ANXA4: variants seen among roughly 807,000 people sequenced by gnomAD.
ANXA4 encodes annexin A4, also known as 35-beta calcimedin.
Under a neutral mutation model 49.8 loss-of-function variants are expected in ANXA4, and 39 were observed. The observed-to-expected ratio is 0.78, with a 90% CI of 0.61 to 1.02. ANXA4 has a LOEUF of 1.02. ANXA4 is among the 50% of genes least tolerant of loss of function. The pLI, the probability that ANXA4 is intolerant of heterozygous loss-of-function variation, is 0.00. For missense variants in ANXA4, 360 were observed against 410.1 expected (o/e 0.88, Z 1.05); for synonymous variants, 134 against 152.5 (o/e 0.88, Z 0.89).
At chr2:69,746,724 T>C (rs1282787170) in intron 1 of ANXA4, among the ~76,000 whole-genome samples, 3 of 152,052 alleles carry the variant, frequency 2.0e-5, no homozygotes, top group African/African-American at 4.8e-5. Flanking sequence ...GAGTGAATAT[T>C]ATATTGCAGC....
intron 5 of ANXA4, 38 bp from the exon 6 acceptor site, chr2:69,807,868 C>A: frequency 6.4e-7 from 1 of 1,571,478 alleles, no homozygotes. Context: ...GCTTTGTAAA[C>A]TGGCTCATAT....
chr2:69,792,376 A>G (rs1573265422), intron 3 of ANXA4, among the ~76,000 whole-genome samples: 1 of 152,246 alleles, frequency 6.6e-6, no homozygotes, highest in Non-Finnish European at 1.5e-5. Flanking sequence ...TTAATTTTAA[A>G]TGAAACATTA....
chr2:69,674,406 T>C (rs1473811457), intron 2 of ANXA4: 1 of 152,190 alleles, frequency 6.6e-6, no homozygotes, highest in Non-Finnish European at 1.5e-5. Context: ...TAAAACTTCC[T>C]TGTTCAGAAA....
chr2:69,777,552 CAGG>C (rs1338982335), intron 1 of ANXA4, among the ~76,000 whole-genome samples: 3 of 152,312 alleles, frequency 2.0e-5, no homozygotes, highest in South Asian at 2.1e-4. Flanking sequence ...GTACCAGGAA[CAGG>C]AGGAGAACAG....
At chr2:69,808,214 T>C in intron 6 of ANXA4, 1 of 519,690 alleles carries the variant, frequency 1.9e-6, no homozygotes, top group Non-Finnish European at 3.5e-6. Context: ...CTATTTTGCC[T>C]ACCCAGTGCA....
chr2:69,707,286 T>C (rs558320395), intron 2 of ANXA4, among the ~76,000 whole-genome samples: 25 of 152,362 alleles, frequency 1.6e-4, no homozygotes, highest in Non-Finnish European at 2.6e-4. Flanking sequence ...TCTATAGTTA[T>C]TGGTTTATCC....
intron 1 of ANXA4, among the ~76,000 whole-genome samples, chr2:69,772,558 C>A (rs1245541469): frequency 6.6e-6 from 1 of 152,180 alleles, no homozygotes; most frequent in African/African-American, 2.4e-5. Context: ...GCATTTCTTT[C>A]CTCTTTCTGC....
At chr2:69,779,107 C>CAAAAAAAA (rs70954359) in intron 1 of ANXA4, among the ~76,000 whole-genome samples, 1 of 45,446 alleles carries the variant, frequency 2.2e-5, no homozygotes, top group African/African-American at 6.9e-5. Flanking sequence ...CACTCTGCCT[C>CAAAAAAAA]AAAAAAAAAA....
chr2:69,814,790 G>GTGTGTA (rs1673900698), intron 8 of ANXA4: 1 of 62,450 alleles, frequency 1.6e-5, no homozygotes, highest in Non-Finnish European at 2.8e-5. Flanking sequence ...GTGTGTGTGT[G>GTGTGTA]TGTGAGAGAA....
chr2:69,658,815 C>G (rs1676604915), intron 2 of ANXA4, among the ~76,000 whole-genome samples: 1 of 152,190 alleles, frequency 6.6e-6, no homozygotes, highest in South Asian at 2.1e-4. Context: ...CTGCCTCAGC[C>G]TCCTGAGTAG....
intron 3 of ANXA4, among the ~76,000 whole-genome samples, chr2:69,793,759 G>T (rs1230323125): frequency 6.6e-6 from 1 of 151,900 alleles, no homozygotes; most frequent in Non-Finnish European, 1.5e-5. Flanking sequence ...GATTTGTGGT[G>T]CATTTTCTGT....
At chr2:69,746,190 T>C (rs1670604392) in intron 1 of ANXA4, among the ~76,000 whole-genome samples, 2 of 152,096 alleles carry the variant, frequency 1.3e-5, no homozygotes, top group Non-Finnish European at 2.9e-5. Context: ...TTTTGTATTT[T>C]TAGTGGAGAC....
Position 69,827,056 on chromosome 2 carries a change from C to T in ANXA4, c.*1541C>T, listed in dbSNP as rs1466797817. 1 of 152,152 alleles carries T rather than the reference C, an allele frequency of 6.6e-6. No homozygotes were observed. 9.4% of individuals were successfully genotyped at this position (152,152 alleles called of 1,614,324 possible). ...CTGGAAATGAGTGATGCCCTCTGCT[C>T]TAAGTAGACCATTTATATTAAATAT... is the stretch of plus-strand genomic sequence containing the variant. On this transcript the variant is annotated 3_prime_UTR_variant, in exon 13 of 13. Coordinates refer to ENST00000394295, the MANE Select transcript of ANXA4 (RefSeq NM_001153.5).
At chr2:69,689,136 G>A (rs1011048499) in intron 2 of ANXA4, among the ~76,000 whole-genome samples, 12 of 151,890 alleles carry the variant, frequency 7.9e-5, no homozygotes, top group South Asian at 2.1e-4. Context: ...TTGTCACTCA[G>A]GCTGGAGTAA....
At position 69,825,681 on chromosome 2, in the gene ANXA4, A is replaced by G. The variant is rs1674443226; in HGVS notation, c.*166A>G. Reference sequence around the variant, plus strand: ...TCTGTATTATTATTCACCTATAATTAGTCATTATGATGCTTTAAAGCTGTA... The same window carrying G: ...TCTGTATTATTATTCACCTATAATTGGTCATTATGATGCTTTAAAGCTGTA... On this transcript the variant is annotated 3_prime_UTR_variant, in exon 13 of 13. Transcript: ENST00000394295. 1.9e-6 allele frequency: 1 copy of G among 517,202 alleles called. No individual in the cohort carries two copies. The highest frequency in any genetic ancestry group is 3.9e-5 in the Admixed American group (1 of 25,910). 32.0% of individuals were successfully genotyped at this position (517,202 alleles called of 1,614,324 possible). A position where few individuals can be genotyped will look rare whatever the true frequency, so the allele number is the denominator to read the frequency against.
intron 3 of ANXA4, among the ~76,000 whole-genome samples, chr2:69,799,744 A>G (rs1673107721): frequency 6.6e-6 from 1 of 152,166 alleles, no homozygotes; most frequent in Non-Finnish European, 1.5e-5. Context: ...ACCTTGTCTC[A>G]GTAGACTTTT....
intron 3 of ANXA4, among the ~76,000 whole-genome samples, chr2:69,789,686 A>G (rs1672591428): frequency 6.6e-6 from 1 of 152,156 alleles, no homozygotes; most frequent in South Asian, 2.1e-4. Flanking sequence ...TCATGAGCAG[A>G]GGAGGTCTTA....
intron 2 of ANXA4, among the ~76,000 whole-genome samples, chr2:69,690,887 A>G (rs570440345): frequency 6.6e-6 from 1 of 152,338 alleles, no homozygotes; most frequent in Non-Finnish European, 1.5e-5. Context: ...TTGTAAAACA[A>G]AGCAACTAAT....
intron 2 of ANXA4, among the ~76,000 whole-genome samples, chr2:69,663,437 T>C (rs4487110): frequency 0.072 from 10,709 of 148,818 alleles, 1,117 homozygotes; most frequent in East Asian, 0.38. Flanking sequence ...GAAAATGAAA[T>C]GAGGAAGAAA....
Sources: allele counts gnomAD v4.1 joint callset (sites outside exome capture counted in the v4.1 genomes callset), GRCh38; gene constraint gnomAD v4.1.1; transcripts MANE v1.5; gene names NCBI Gene and HGNC (gene_info 2026-07-23, HGNC 2026-07-21).